The following MAGI2 variants were observed in gnomAD, a reference collection of about 807,000 sequenced individuals.
MAGI2 encodes membrane-associated guanylate kinase, WW and PDZ domain-containing protein 2.
A neutral mutation model predicts 133.3 loss-of-function variants in MAGI2; 35 were observed. The ratio of observed to expected loss-of-function variants is 0.26; its 90% CI spans 0.20 to 0.35. The LOEUF (loss-of-function observed/expected upper bound fraction) is 0.35. Among genes scored for constraint, MAGI2 ranks in the 10% least tolerant of loss-of-function variants. The probability of loss-of-function intolerance (pLI) is 1.00; values close to 1 mark genes in which losing one functional copy is unlikely to be tolerated. For synonymous variants in MAGI2, 729 were observed against 710.6 expected, an observed-to-expected ratio of 1.03 and a Z score of -0.41; for missense variants, 1,636 against 1,863.4, an observed-to-expected ratio of 0.88 and a Z score of 2.25.
At chr7:78,222,825 G>A (rs1394905444) in intron 10 of MAGI2, among the ~76,000 whole-genome samples, 1 of 152,118 alleles carries the variant, frequency 6.6e-6, no homozygotes, top group Admixed American at 6.5e-5. Context: ...GATTAAGAGG[G>A]AATTTATACC....
intron 3 of MAGI2, among the ~76,000 whole-genome samples, chr7:78,590,434 T>A (rs1803879659): frequency 6.6e-6 from 1 of 152,164 alleles, no homozygotes; most frequent in South Asian, 2.1e-4. Context: ...CCCTTGGTGA[T>A]CCCAGGACAT....
chr7:78,762,802 C>T (rs771293922), intron 2 of MAGI2, among the ~76,000 whole-genome samples: 4 of 152,174 alleles, frequency 2.6e-5, no homozygotes, highest in Non-Finnish European at 5.9e-5. Flanking sequence ...CAGGCAGTGA[C>T]CTTCAAAGAT....
chr7:79,015,762 T>C (rs947747952), intron 1 of MAGI2, among the ~76,000 whole-genome samples: 3 of 152,112 alleles, frequency 2.0e-5, no homozygotes, highest in African/African-American at 7.2e-5. Context: ...TTTCATTCAT[T>C]AGGCAACTGA....
intron 14 of MAGI2, among the ~76,000 whole-genome samples, chr7:78,169,995 T>A (rs1440467739): frequency 6.6e-6 from 1 of 152,258 alleles, no homozygotes; most frequent in Non-Finnish European, 1.5e-5. Context: ...AAAAGCCAGT[T>A]AAAACAAATG....
chr7:79,095,891 C>A (rs907720142), intron 1 of MAGI2, among the ~76,000 whole-genome samples: 1 of 152,088 alleles, frequency 6.6e-6, no homozygotes, highest in African/African-American at 2.4e-5. Context: ...TAATTTTGCT[C>A]AAGGCAGGGT....
chr7:78,822,379 GAAT>G (rs1281324205), intron 2 of MAGI2, among the ~76,000 whole-genome samples: 26 of 152,044 alleles, frequency 1.7e-4, no homozygotes, highest in Non-Finnish European at 3.1e-4. Context: ...ACTATGGAGA[GAAT>G]AATAATTTAA....
At chr7:79,236,923 T>C (rs1347051898) in intron 1 of MAGI2, among the ~76,000 whole-genome samples, 1 of 152,180 alleles carries the variant, frequency 6.6e-6, no homozygotes, top group Non-Finnish European at 1.5e-5. Context: ...TGTGCAACTG[T>C]AGTCCCAGCT....
chr7:79,423,584 A>C (rs1025239531), intron 1 of MAGI2, among the ~76,000 whole-genome samples: 5 of 152,206 alleles, frequency 3.3e-5, no homozygotes, highest in Admixed American at 1.3e-4. Flanking sequence ...ATAATTAAAA[A>C]ATTATTTTAA....
intron 2 of MAGI2, among the ~76,000 whole-genome samples, chr7:78,936,978 A>G (rs1160850021): frequency 6.6e-6 from 1 of 152,130 alleles, no homozygotes; most frequent in African/African-American, 2.4e-5. Flanking sequence ...CCCAGTAACA[A>G]TGAATACATC....
intron 4 of MAGI2, among the ~76,000 whole-genome samples, chr7:78,504,892 TAA>T (rs891065484): frequency 2.6e-5 from 4 of 152,100 alleles, no homozygotes; most frequent in African/African-American, 9.7e-5. Context: ...TTATAATTGT[TAA>T]AGAGTAATCT....
chr7:79,256,773 G>A (rs946910821), intron 1 of MAGI2, among the ~76,000 whole-genome samples: 1 of 151,994 alleles, frequency 6.6e-6, no homozygotes, highest in African/African-American at 2.4e-5. Context: ...TTACAGGCAT[G>A]AGCCACCACG....
At chr7:78,511,768 C>CT (rs538140754) in intron 4 of MAGI2, among the ~76,000 whole-genome samples, 38 of 141,380 alleles carry the variant, frequency 2.7e-4, no homozygotes, top group Admixed American at 5.6e-4. Flanking sequence ...TGAAGTGGTT[C>CT]TAAGTGCTAA....
intron 2 of MAGI2, among the ~76,000 whole-genome samples, chr7:78,656,638 A>T (rs1326962632): frequency 1.3e-5 from 2 of 152,182 alleles, no homozygotes; most frequent in Non-Finnish European, 2.9e-5. Context: ...TTTGCTAGAG[A>T]GTAGACTTCA....
chr7:78,645,663 G>GTGTA (rs1183138820), intron 2 of MAGI2, among the ~76,000 whole-genome samples: 2 of 151,646 alleles, frequency 1.3e-5, no homozygotes, highest in Non-Finnish European at 2.9e-5. Context: ...GTGTGTGTGT[G>GTGTA]TGTGTGTATA....
At chr7:78,270,877 C>T (rs936849893) in intron 9 of MAGI2, among the ~76,000 whole-genome samples, 8 of 152,084 alleles carry the variant, frequency 5.3e-5, no homozygotes, top group Admixed American at 4.6e-4. Flanking sequence ...TAAAATTGAC[C>T]ACATAATTGG....
intron 9 of MAGI2, among the ~76,000 whole-genome samples, chr7:78,336,671 G>A (rs60689247): frequency 0.097 from 14,714 of 152,088 alleles, 828 homozygotes; most frequent in South Asian, 0.18. Flanking sequence ...GCTACAGTGA[G>A]CTATGATTGT....
intron 1 of MAGI2, among the ~76,000 whole-genome samples, chr7:79,374,806 T>C (rs988869854): frequency 6.6e-6 from 1 of 151,990 alleles, no homozygotes; most frequent in African/African-American, 2.4e-5. Context: ...ATATTTAGCC[T>C]ACATAAAATT....
At chr7:78,777,683 A>G (rs1469258521) in intron 2 of MAGI2, among the ~76,000 whole-genome samples, 2 of 152,220 alleles carry the variant, frequency 1.3e-5, no homozygotes, top group African/African-American at 4.8e-5. Context: ...ACTGGCTTCA[A>G]GTTATGAAAT....
intron 2 of MAGI2, among the ~76,000 whole-genome samples, chr7:78,787,768 G>A (rs1826957770): frequency 6.6e-6 from 1 of 152,192 alleles, no homozygotes. Context: ...GTGCCTAGAA[G>A]TATAGAAGAT....
Sources: allele counts gnomAD v4.1 joint callset (sites outside exome capture counted in the v4.1 genomes callset), GRCh38; gene constraint gnomAD v4.1.1; transcripts MANE v1.5; gene names NCBI Gene and HGNC (gene_info 2026-07-23, HGNC 2026-07-21).